CAST: variants seen among roughly 807,000 people sequenced by gnomAD.
CAST encodes calpastatin.
CAST carries 76 observed loss-of-function variants against 119.6 expected under a neutral mutation model. The observed-to-expected ratio is 0.64, with a 90% CI of 0.53 to 0.77. The LOEUF is 0.77. CAST is among the 30% of genes least tolerant of loss of function. The pLI, the probability that CAST is intolerant of heterozygous loss-of-function variation, is 0.00. For synonymous variants in CAST, 319 were observed against 331.6 expected (o/e 0.96, Z 0.41); for missense variants, 953 against 946.5 (o/e 1.01, Z -0.09).
chr5:96,140,367 A>G, the CAST span, among the ~76,000 whole-genome samples: 1 of 152,172 alleles, frequency 6.6e-6, no homozygotes, highest in East Asian at 1.9e-4. Context: ...ACCTTTCTTG[A>G]TTTCTTCAGA....
At chr5:96,291,516 A>G in the CAST span, among the ~76,000 whole-genome samples, 1 of 152,138 alleles carries the variant, frequency 6.6e-6, no homozygotes, top group African/African-American at 2.4e-5. Context: ...CAAATGACCA[A>G]TAACTTTAGT....
At chr5:96,107,218 T>A in the CAST span, among the ~76,000 whole-genome samples, 1 of 152,194 alleles carries the variant, frequency 6.6e-6, no homozygotes, top group Non-Finnish European at 1.5e-5. Context: ...ATTTTGTCCA[T>A]TTACATTTAA....
chr5:96,080,801 G>C, the CAST span, among the ~76,000 whole-genome samples: 1 of 152,104 alleles, frequency 6.6e-6, no homozygotes, highest in African/African-American at 2.4e-5. Context: ...TTCACCCTAG[G>C]AGACTCAACT....
the CAST span, among the ~76,000 whole-genome samples, chr5:96,030,246 AT>A: frequency 6.6e-6 from 1 of 152,150 alleles, no homozygotes; most frequent in Non-Finnish European, 1.5e-5. Flanking sequence ...TATTTAAACA[AT>A]TTTTGTTGCT....
the CAST span, among the ~76,000 whole-genome samples, chr5:96,028,728 T>A: frequency 6.6e-6 from 1 of 152,096 alleles, no homozygotes; most frequent in South Asian, 2.1e-4. Context: ...ATAAGTAACA[T>A]TTATTTATGT....
chr5:96,500,760 C>G, the CAST span, among the ~76,000 whole-genome samples: 101 of 152,298 alleles, frequency 6.6e-4, 1 homozygote, highest in Non-Finnish European at 1.3e-4. Flanking sequence ...AAATGTATAA[C>G]TAATCACCGT....
At chr5:96,455,892 A>G in the CAST span, among the ~76,000 whole-genome samples, 1 of 152,042 alleles carries the variant, frequency 6.6e-6, no homozygotes, top group African/African-American at 2.4e-5. Flanking sequence ...AAGGTCTCTG[A>G]TGGCAAATGC....
chr5:96,437,927 C>G, the CAST span, among the ~76,000 whole-genome samples: 57,780 of 151,980 alleles, frequency 0.38, 10,973 homozygotes, highest in Non-Finnish European at 0.41. Context: ...TAAAACCTTT[C>G]CTCATTACTA....
At chr5:96,661,113 T>C (rs1385116603), upstream of CAST, among the ~76,000 whole-genome samples, 1 of 151,636 alleles carries the variant, frequency 6.6e-6, no homozygotes. Flanking sequence ...GACAAATCTC[T>C]CCTTAAAATC....
At chr5:96,125,042 T>C in the CAST span, among the ~76,000 whole-genome samples, 7 of 152,170 alleles carry the variant, frequency 4.6e-5, no homozygotes, top group African/African-American at 1.7e-4. Context: ...TTTTACCACT[T>C]GGTTGGGGCA....
chr5:96,392,644 AAATT>A, the CAST span: 1 of 231,488 alleles, frequency 4.3e-6, no homozygotes, highest in Non-Finnish European at 8.5e-6. Context: ...TTATGTTTTC[AAATT>A]AATTGATATC....
In CAST at chr5:96,694,951, A is replaced by G. The variant is rs551226602; in HGVS notation, c.139-885A>G. On this transcript the variant is annotated intron_variant, in intron 2 of 31. Coordinates refer to ENST00000675179, the MANE Select transcript of CAST (RefSeq NM_001750.7). ...CTTTTCTTCGTATAAAATATGAATAATATGTTTTTATTTAATGAAGTGTTT... is the reference window on the plus strand; with the variant it reads ...CTTTTCTTCGTATAAAATATGAATAGTATGTTTTTATTTAATGAAGTGTTT... Among the ~76,000 whole-genome samples, 25 of 152,334 alleles carry G rather than the reference A, an allele frequency of 1.6e-4. 1 individual carries two copies. Among genetic ancestry groups the G allele is most frequent in the Admixed American group, 9.1e-4 (14 of 15,306 alleles).
the CAST span, among the ~76,000 whole-genome samples, chr5:96,230,689 C>A: frequency 2.6e-5 from 4 of 151,982 alleles, no homozygotes; most frequent in African/African-American, 4.8e-5. Context: ...CAAAGTACAC[C>A]ATCAGGAAGG....
At chr5:96,241,832 T>G in the CAST span, among the ~76,000 whole-genome samples, 864 of 150,974 alleles carry the variant, frequency 5.7e-3, 10 homozygotes, top group African/African-American at 0.019. Context: ...GAGCATTTTT[T>G]CATGTGTTTT....
At chr5:96,012,473 G>A in the CAST span, among the ~76,000 whole-genome samples, 1 of 152,008 alleles carries the variant, frequency 6.6e-6, no homozygotes, top group Admixed American at 6.6e-5. Context: ...TGCCTCATCT[G>A]TAAAAGACAT....
the CAST span, among the ~76,000 whole-genome samples, chr5:96,144,414 C>A: frequency 3.9e-5 from 6 of 152,138 alleles, no homozygotes; most frequent in Non-Finnish European, 8.8e-5. Context: ...TTTTCCTCTT[C>A]CCAGACCTGA....
intron 2 of CAST, among the ~76,000 whole-genome samples, chr5:96,681,892 A>T (rs1751474580): frequency 6.6e-6 from 1 of 152,166 alleles, no homozygotes. Flanking sequence ...CATATGCAAT[A>T]GTTCCTCTTT....
chr5:96,044,472 A>G, the CAST span, among the ~76,000 whole-genome samples: 13 of 152,254 alleles, frequency 8.5e-5, no homozygotes, highest in African/African-American at 1.2e-4. Flanking sequence ...TCTAGCCTCC[A>G]GTACTATGAG....
At chr5:96,405,126 C>A in the CAST span, among the ~76,000 whole-genome samples, 2 of 152,086 alleles carry the variant, frequency 1.3e-5, no homozygotes, top group African/African-American at 4.8e-5. Flanking sequence ...CAATTGAGAA[C>A]AGAAATCTTA....
Sources: allele counts gnomAD v4.1 joint callset (sites outside exome capture counted in the v4.1 genomes callset), GRCh38; gene constraint gnomAD v4.1.1; transcripts MANE v1.5; gene names NCBI Gene and HGNC (gene_info 2026-07-23, HGNC 2026-07-21).